Variants in SEL1L2 observed in about 807,000 individuals in gnomAD.
SEL1L2 encodes the protein SEL1L2 adaptor subunit of SYVN1 ubiquitin ligase.
In SEL1L2, 89 loss-of-function variants were observed where a neutral mutation model predicts 98.8. The ratio of observed to expected loss-of-function variants is 0.90; its 90% CI spans 0.76 to 1.07. The LOEUF is 1.07. Among genes scored for constraint, SEL1L2 ranks in the 50% least tolerant of loss-of-function variants. The pLI is 0.00. For synonymous variants in SEL1L2, 262 were observed against 278.5 expected, an observed-to-expected ratio of 0.94 and a Z score of 0.59; for missense variants, 788 against 812.0, an observed-to-expected ratio of 0.97 and a Z score of 0.36.
chr20:13,955,222 T>C (rs1029356511), intron 2 of SEL1L2, among the ~76,000 whole-genome samples: 1 of 152,016 alleles, frequency 6.6e-6, no homozygotes, highest in South Asian at 2.1e-4. Context: ...ATACTGTATG[T>C]TGCATGGTGA....
intron 18 of SEL1L2, among the ~76,000 whole-genome samples, chr20:13,853,382 ATTT>A (rs34049013): frequency 7.0e-6 from 1 of 142,862 alleles, no homozygotes; most frequent in Non-Finnish European, 1.5e-5. Context: ...TGATTTTTGT[ATTT>A]TTTTTTTTTG....
In SEL1L2 at chr20:13,885,394, C is replaced by A. The variant is rs772670277; in HGVS notation, c.910G>T (p.Gly304Ter). Residue 304 changes from glycine to a stop codon, truncating the protein, a stop_gained, in exon 10 of 20, where the codon GGA becomes TGA. Transcript: ENST00000284951. LOFTEE classifies it high-confidence loss of function. The part of the protein sequence containing the change: ...RGDVQIQVSL[G>*]QLHLIGRKGL... ...TTCCTGCCAATTAGATGTAATTGTC[C>A]AAGAGAGACCTAGGAATGATGAGTT... 3.1e-6 allele frequency: 5 copies of A among 1,597,858 alleles called. No individual in the cohort carries two copies. Among genetic ancestry groups the A allele is most frequent in the South Asian group, 1.1e-5 (1 of 90,694 alleles).
chr20:13,992,973 A>G (rs2052570665), upstream of SEL1L2, among the ~76,000 whole-genome samples: 1 of 152,154 alleles, frequency 6.6e-6, no homozygotes, highest in African/African-American at 2.4e-5. Flanking sequence ...GTCACATTGG[A>G]GATTAGGGCT....
At chr20:13,917,875 C>T (rs1228957669) in intron 4 of SEL1L2, among the ~76,000 whole-genome samples, 3 of 129,748 alleles carry the variant, frequency 2.3e-5, no homozygotes, top group Non-Finnish European at 4.6e-5. Context: ...TCTTGGCTCA[C>T]TGCAACCTCT....
At chr20:13,962,396 T>C (rs1318718185) in intron 1 of SEL1L2, among the ~76,000 whole-genome samples, 1 of 152,226 alleles carries the variant, frequency 6.6e-6, no homozygotes, top group Admixed American at 6.5e-5. Flanking sequence ...GGGGCAATGC[T>C]GTGAGACCAC....
At chr20:13,963,480 G>T (rs1196981831) in intron 1 of SEL1L2, among the ~76,000 whole-genome samples, 1 of 151,206 alleles carries the variant, frequency 6.6e-6, no homozygotes, top group African/African-American at 2.4e-5. Flanking sequence ...ACTTTGGGAG[G>T]CCGAGGTGGG....
chr20:13,894,566 C>A (rs1256658947), intron 5 of SEL1L2, among the ~76,000 whole-genome samples: 2 of 150,680 alleles, frequency 1.3e-5, no homozygotes, highest in Non-Finnish European at 3.0e-5. Context: ...GTTCACAAAT[C>A]AAAACAAACA....
chr20:13,885,481 C>T (rs2046908810), intron 9 of SEL1L2, 78 bp from the exon 10 acceptor site: 1 of 947,486 alleles, frequency 1.1e-6, no homozygotes, highest in Non-Finnish European at 1.7e-6. Flanking sequence ...GGTGATTTTA[C>T]TTTAGTATGT....
chr20:13,891,780 G>A (rs1200175237), intron 5 of SEL1L2, among the ~76,000 whole-genome samples: 3 of 151,538 alleles, frequency 2.0e-5, no homozygotes, highest in Admixed American at 1.3e-4. Context: ...ACAAACAAAC[G>A]CTGAGGGAGT....
intron 12 of SEL1L2, among the ~76,000 whole-genome samples, chr20:13,874,075 A>C (rs955206776): frequency 2.6e-4 from 40 of 152,068 alleles, no homozygotes; most frequent in African/African-American, 9.2e-4. Flanking sequence ...AGAATAAGAG[A>C]GTCTGGGAAG....
At chr20:13,884,550 C>T (rs1231415865) in intron 10 of SEL1L2, among the ~76,000 whole-genome samples, 1 of 152,072 alleles carries the variant, frequency 6.6e-6, no homozygotes, top group African/African-American at 2.4e-5. Flanking sequence ...CTCTGTCACC[C>T]AGACTGTAGT....
chr20:13,864,873 T>G (rs2147808804), intron 17 of SEL1L2, among the ~76,000 whole-genome samples: 1 of 152,240 alleles, frequency 6.6e-6, no homozygotes, highest in South Asian at 2.1e-4. Flanking sequence ...AGAAAACTGG[T>G]TTTTTGAGTA....
chr20:13,882,008 C>T (rs369522595), intron 10 of SEL1L2, among the ~76,000 whole-genome samples: 2 of 152,124 alleles, frequency 1.3e-5, no homozygotes, highest in East Asian at 3.9e-4. Flanking sequence ...ATAATGTATA[C>T]ACTACATTTG....
chr20:13,866,623 C>G, intron 15 of SEL1L2, 79 bp downstream of exon 15: 1 of 1,158,076 alleles, frequency 8.6e-7, no homozygotes, highest in Non-Finnish European at 1.1e-6. Context: ...ATCAAAGACA[C>G]CAACAATTTA....
intron 1 of SEL1L2, among the ~76,000 whole-genome samples, chr20:13,975,026 C>T (rs1030530309): frequency 1.3e-5 from 2 of 152,064 alleles, no homozygotes; most frequent in Non-Finnish European, 2.9e-5. Flanking sequence ...TCTTCAATCC[C>T]AGCATTATAA....
chr20:13,882,973 C>A (rs1019520605), intron 10 of SEL1L2, among the ~76,000 whole-genome samples: 3 of 151,972 alleles, frequency 2.0e-5, no homozygotes, highest in African/African-American at 7.2e-5. Context: ...CCCGCCACTA[C>A]GCCCGGCTAA....
intron 1 of SEL1L2, among the ~76,000 whole-genome samples, chr20:13,979,499 C>G (rs2051706553): frequency 1.3e-5 from 2 of 152,312 alleles, no homozygotes; most frequent in South Asian, 4.1e-4. Context: ...TGAAGTATCA[C>G]TCTGCATCGT....
rs1475211879 is a variant in SEL1L2 at position 13,887,732 on chromosome 20, A to G, written c.745+37T>C. On this transcript the variant is annotated intron_variant, in intron 8 of 19. Transcript: ENST00000284951. ...GATTTATTTTTCTAATTCCTTGGCA[A>G]CTGTTTATTTTAAAATAAATTATGT... The G allele has an allele frequency of 2.3e-6, 3 of 1,317,236 alleles. No individual in the cohort carries two copies. The African/African-American group carries it at 4.4e-5, about 19-fold the overall frequency. The allele number at this position is 1,317,236 out of a possible 1,614,324, so 81.6% of individuals were successfully genotyped here.
chr20:13,937,211 C>G (rs755199091), intron 2 of SEL1L2, among the ~76,000 whole-genome samples: 1 of 152,198 alleles, frequency 6.6e-6, no homozygotes. Context: ...GATGGCCCTC[C>G]CTCTGAACTT....
Sources: allele counts gnomAD v4.1 joint callset (sites outside exome capture counted in the v4.1 genomes callset), GRCh38; gene constraint gnomAD v4.1.1; transcripts MANE v1.5; gene names NCBI Gene and HGNC (gene_info 2026-07-23, HGNC 2026-07-21).